MVB12B: variants seen among roughly 807,000 people sequenced by gnomAD.
MVB12B encodes multivesicular body subunit 12B.
Under a neutral mutation model 41.6 loss-of-function variants are expected in MVB12B, and 16 were observed. The observed-to-expected ratio is 0.38, with a 90% CI of 0.26 to 0.58. The LOEUF (loss-of-function observed/expected upper bound fraction) is 0.58. MVB12B is among the 20% of genes least tolerant of loss of function. The probability of loss-of-function intolerance (pLI) is 0.62; values close to 1 mark genes in which losing one functional copy is unlikely to be tolerated. For missense variants in MVB12B, 274 were observed against 380.2 expected (o/e 0.72, Z 2.32); for synonymous variants, 133 against 139.7 (o/e 0.95, Z 0.34).
chr9:126,412,060 A>G (rs1403256290), intron 6 of MVB12B, among the ~76,000 whole-genome samples: 2 of 152,158 alleles, frequency 1.3e-5, no homozygotes, highest in African/African-American at 4.8e-5. Context: ...ACTGTCAGCA[A>G]GTGTGGGCAA....
intron 3 of MVB12B, among the ~76,000 whole-genome samples, chr9:126,385,847 G>A (rs1035578360): frequency 1.3e-5 from 2 of 152,186 alleles, no homozygotes; most frequent in Admixed American, 1.3e-4. Context: ...AATGTGGGCT[G>A]CAAGTGCTGG....
At chr9:126,394,208 C>T (rs1035074025) in intron 5 of MVB12B, among the ~76,000 whole-genome samples, 1 of 152,206 alleles carries the variant, frequency 6.6e-6, no homozygotes, top group African/African-American at 2.4e-5. Flanking sequence ...ATACTTCAGG[C>T]ACCTCAGAAG....
chr9:126,410,355 G>T (rs1831607841), intron 6 of MVB12B, among the ~76,000 whole-genome samples: 1 of 152,174 alleles, frequency 6.6e-6, no homozygotes, highest in African/African-American at 2.4e-5. Context: ...AAGCAACATG[G>T]CATGGTGGAA....
chr9:126,423,206 G>A (rs1832076467), intron 7 of MVB12B, among the ~76,000 whole-genome samples: 1 of 152,232 alleles, frequency 6.6e-6, no homozygotes, highest in South Asian at 2.1e-4. Flanking sequence ...GCACACAAGG[G>A]AAGCTTCATC....
chr9:126,483,682 C>T (rs1457209485), intron 8 of MVB12B, among the ~76,000 whole-genome samples: 1 of 152,236 alleles, frequency 6.6e-6, no homozygotes, highest in Non-Finnish European at 1.5e-5. Flanking sequence ...ACGGTCAGTC[C>T]TCCAGGAGAC....
intron 2 of MVB12B, among the ~76,000 whole-genome samples, chr9:126,374,561 A>G (rs10739670): frequency 1 from 151,650 of 152,310 alleles, 75,502 homozygotes; most frequent in Middle Eastern, 1. Flanking sequence ...AGGTCCCGAA[A>G]GGTTTGTAGA....
At chr9:126,432,002 T>C (rs1325858213) in intron 7 of MVB12B, among the ~76,000 whole-genome samples, 1 of 152,192 alleles carries the variant, frequency 6.6e-6, no homozygotes, top group Admixed American at 6.5e-5. Flanking sequence ...AGGAGGCTTG[T>C]ATATTCTGCA....
At chr9:126,349,869 T>C (rs560561522) in intron 2 of MVB12B, among the ~76,000 whole-genome samples, 1 of 152,344 alleles carries the variant, frequency 6.6e-6, no homozygotes, top group East Asian at 1.9e-4. Flanking sequence ...GGGATAAATA[T>C]CCAGGAATGC....
At chr9:126,334,119 A>T (rs1829211990) in intron 1 of MVB12B, among the ~76,000 whole-genome samples, 1 of 152,154 alleles carries the variant, frequency 6.6e-6, no homozygotes, top group Admixed American at 6.5e-5. Context: ...CAGAATGTGG[A>T]CTTTCCGTCT....
intron 7 of MVB12B, among the ~76,000 whole-genome samples, chr9:126,479,010 G>A (rs1171243292): frequency 6.6e-6 from 1 of 152,198 alleles, no homozygotes; most frequent in Non-Finnish European, 1.5e-5. Flanking sequence ...CACAGTACCT[G>A]GGCGTGCAGA....
chr9:126,474,632 T>C (rs1223656937), intron 7 of MVB12B, among the ~76,000 whole-genome samples: 1 of 152,186 alleles, frequency 6.6e-6, no homozygotes, highest in Non-Finnish European at 1.5e-5. Context: ...GTGACCACCA[T>C]GAAAACATGT....
intron 7 of MVB12B, among the ~76,000 whole-genome samples, chr9:126,451,470 A>T (rs767058493): frequency 1.3e-5 from 2 of 152,142 alleles, no homozygotes; most frequent in African/African-American, 4.8e-5. Context: ...CAAGAGCTGC[A>T]GCCCATCCAG....
At chr9:126,381,933 T>C (rs1830649051) in intron 3 of MVB12B, among the ~76,000 whole-genome samples, 1 of 152,090 alleles carries the variant, frequency 6.6e-6, no homozygotes. Context: ...TCAAGGTTAC[T>C]TCTCTTCCCC....
intron 2 of MVB12B, among the ~76,000 whole-genome samples, chr9:126,341,306 T>C (rs192500049): frequency 1.3e-5 from 2 of 152,352 alleles, no homozygotes; most frequent in East Asian, 3.9e-4. Context: ...GGTTATGTTG[T>C]TGTTTCAGTA....
At chr9:126,364,081 A>G (rs141125020) in intron 2 of MVB12B, among the ~76,000 whole-genome samples, 158 of 152,234 alleles carry the variant, frequency 1.0e-3, no homozygotes, top group Non-Finnish European at 1.7e-3. Context: ...TATTGAATTG[A>G]ATTAGCTGGC....
Position 126,436,762 on chromosome 9 carries a change from C to T in MVB12B, c.757+14814C>T, listed in dbSNP as rs1365934964. Among the ~76,000 whole-genome samples the T allele has an allele frequency of 6.6e-6, 1 of 152,190 alleles. No individual in the cohort carries two copies. Among genetic ancestry groups the T allele is most frequent in the Non-Finnish European group, 1.5e-5 (1 of 68,030 alleles). On this transcript the variant is annotated intron_variant, in intron 7 of 9. Transcript: ENST00000361171. The surrounding 1 kb of genome is among the most constrained non-coding windows in gnomAD (Gnocchi z 4.1). ...GCTGGCCCCTGCAGAGCCTAAGGGG[C>T]ACTCCACTCATGAGTCATGAACTAG...
intron 6 of MVB12B, among the ~76,000 whole-genome samples, chr9:126,399,324 G>A (rs1453241909): frequency 1.3e-5 from 2 of 152,214 alleles, no homozygotes; most frequent in South Asian, 2.1e-4. Context: ...GGCCGCAGGC[G>A]CTCCATCCCC....
intron 2 of MVB12B, among the ~76,000 whole-genome samples, chr9:126,346,195 G>A (rs1166122323): frequency 6.6e-6 from 1 of 152,230 alleles, no homozygotes; most frequent in Non-Finnish European, 1.5e-5. Flanking sequence ...AGGATAAGCA[G>A]TGAGGCAGGT....
At chr9:126,354,153 C>T (rs1829821639) in intron 2 of MVB12B, among the ~76,000 whole-genome samples, 1 of 152,188 alleles carries the variant, frequency 6.6e-6, no homozygotes, top group Non-Finnish European at 1.5e-5. Flanking sequence ...GTTTTTGTAG[C>T]TGGCTCATAT....
Sources: gnomAD v4.1 joint callset for allele counts (sites outside exome capture counted in the v4.1 genomes callset) on GRCh38, gnomAD v4.1.1 for gene constraint, Gnocchi (gnomAD v3.1) non-coding constraint, MANE v1.5 for transcripts, NCBI Gene and HGNC (gene_info 2026-07-23, HGNC 2026-07-21) for gene names.